Variants in CYFIP2 observed in about 807,000 individuals in gnomAD.
CYFIP2 encodes the protein cytoplasmic FMR1-interacting protein 2.
In CYFIP2, 29 loss-of-function variants were observed where a neutral mutation model predicts 158.7. That is an observed-to-expected ratio of 0.18 (90% CI 0.14 to 0.25). The LOEUF is 0.25. Ranked by LOEUF, CYFIP2 falls within the 10% of genes least tolerant of loss-of-function variation. The pLI is 1.00. For missense variants in CYFIP2, 852 were observed against 1,639.5 expected, an observed-to-expected ratio of 0.52 and a Z score of 8.29; for synonymous variants, 585 against 617.6, an observed-to-expected ratio of 0.95 and a Z score of 0.78.
Position 157,288,899 on chromosome 5 carries a change from A to G in CYFIP2, c.207+1791A>G, listed in dbSNP as rs1365919783. Among the ~76,000 whole-genome samples the G allele has an allele frequency of 3.9e-5, 6 of 152,342 alleles. No homozygotes were observed. In the East Asian group the frequency reaches 7.7e-4, roughly 20 times the overall value. ...TTTGAAGGAACCTTGAGAGAGTCAG[A>G]GAAAGCTTGATGTAGGAAGTGGCTT... is the stretch of plus-strand genomic sequence containing the variant. On this transcript the variant is annotated intron_variant, in intron 3 of 30. Coordinates refer to ENST00000620254, the MANE Select transcript of CYFIP2 (RefSeq NM_001037333.3).
chr5:157,363,273 G>T (rs1037888343), intron 26 of CYFIP2: 1 of 152,278 alleles, frequency 6.6e-6, no homozygotes, highest in Admixed American at 6.5e-5. Context: ...TCAGAACCTA[G>T]TGGGAATCTC....
In CYFIP2 at chr5:157,307,637, G is replaced by GTGTGTGTGTGTGTGTGTGTGTGTA; in HGVS notation, c.796-105_796-104insGTGTATGTGTGTGTGTGTGTGTGT. ...ATAATATAATGTGTGTCTCTACAGG[G>GTGTGTGTGTGTGTGTGTGTGTGTA]TGTGTGTGTGTGTGTGTGTATGTGT... is the stretch of plus-strand genomic sequence containing the variant. On this transcript the variant is annotated intron_variant, in intron 8 of 30. Coordinates refer to ENST00000620254, the MANE Select transcript of CYFIP2 (RefSeq NM_001037333.3). 3 of 349,538 alleles carry GTGTGTGTGTGTGTGTGTGTGTGTA rather than the reference G, an allele frequency of 8.6e-6. No homozygotes were observed. In the African/African-American group the frequency reaches 2.1e-4, roughly 25 times the overall value. The allele number at this position is 349,538 out of a possible 1,614,324, so 21.7% of individuals were successfully genotyped here. A position where few individuals can be genotyped will look rare whatever the true frequency, so the allele number is the denominator to read the frequency against.
intron 21 of CYFIP2, among the ~76,000 whole-genome samples, chr5:157,333,886 A>G (rs922569224): frequency 4.6e-5 from 7 of 152,232 alleles, no homozygotes; most frequent in Non-Finnish European, 5.9e-5. Flanking sequence ...CATTTTCATT[A>G]AACATTGCAC....
chr5:157,353,853 G>A (rs982495958), intron 23 of CYFIP2, among the ~76,000 whole-genome samples: 8 of 152,224 alleles, frequency 5.3e-5, no homozygotes, highest in Admixed American at 4.6e-4. Context: ...ATTCCAGAGA[G>A]CAGAGATGCA....
intron 26 of CYFIP2, among the ~76,000 whole-genome samples, chr5:157,368,204 C>T (rs1375342497): frequency 1.3e-5 from 2 of 152,160 alleles, no homozygotes; most frequent in East Asian, 3.8e-4. Flanking sequence ...GTGACAGGGG[C>T]ACGGGAGAAG....
At chr5:157,323,881 G>A in intron 15 of CYFIP2, 40 bp from the exon 16 acceptor site, 1 of 1,491,808 alleles carries the variant, frequency 6.7e-7, no homozygotes, top group Non-Finnish European at 9.0e-7. Context: ...CGGGGTAGAG[G>A]GCCAGCTTCT....
chr5:157,319,934 T>G lies in CYFIP2; in HGVS notation c.1523+6T>G, dbSNP rs778592456. ...AAGAAGAATGTCCTCATCAGGTGGGTTTTCAGATGCCTTCAGGAGCATATC... is the reference window on the plus strand; with the variant it reads ...AAGAAGAATGTCCTCATCAGGTGGGGTTTCAGATGCCTTCAGGAGCATATC... On this transcript the variant is annotated splice_donor_region_variant and intron_variant, in intron 14 of 30. Coordinates refer to ENST00000620254, the MANE Select transcript of CYFIP2 (RefSeq NM_001037333.3). 1.2e-6 allele frequency: 2 copies of G among 1,613,534 alleles called. No homozygotes were observed. The highest frequency in any genetic ancestry group is 2.2e-5 in the South Asian group (2 of 91,060).
chr5:157,314,496 A>T lies in CYFIP2; in HGVS notation c.1230+33A>T, dbSNP rs73304104. ...TCTCTGGGTAGAGGGCCTCACACTG[A>T]CCTCTCTTTCCTTGGAATCTGCCTC... On this transcript the variant is annotated intron_variant, in intron 12 of 30. Coordinates refer to ENST00000620254, the MANE Select transcript of CYFIP2 (RefSeq NM_001037333.3). 5,826 of 1,596,274 alleles carry T rather than the reference A, an allele frequency of 3.6e-3. 197 individuals carry two copies. The African/African-American group carries it at 0.071, about 19-fold the overall frequency.
At chr5:157,371,844 T>G (rs1370122251) in intron 26 of CYFIP2, among the ~76,000 whole-genome samples, 1 of 152,240 alleles carries the variant, frequency 6.6e-6, no homozygotes, top group African/African-American at 2.4e-5. Context: ...CCTTTTTTGC[T>G]TTTACTGTCA....
chr5:157,281,235 C>CG, intron 1 of CYFIP2, among the ~76,000 whole-genome samples: 1 of 152,080 alleles, frequency 6.6e-6, no homozygotes, highest in East Asian at 1.9e-4. Flanking sequence ...ATTCTTGGTG[C>CG]GTTTTTCCAT....
At chr5:157,321,337 C>G (rs1198978882) in intron 15 of CYFIP2, among the ~76,000 whole-genome samples, 1 of 152,204 alleles carries the variant, frequency 6.6e-6, no homozygotes, top group Non-Finnish European at 1.5e-5. Context: ...GTGTTACTAA[C>G]AAAATATTCC....
At chr5:157,378,458 A>C (rs1327307352) in intron 26 of CYFIP2, among the ~76,000 whole-genome samples, 1 of 152,180 alleles carries the variant, frequency 6.6e-6, no homozygotes, top group Admixed American at 6.5e-5. Flanking sequence ...TTAAGATTTT[A>C]AGTGATTTTC....
intron 23 of CYFIP2, among the ~76,000 whole-genome samples, chr5:157,355,475 G>A (rs776299742): frequency 6.6e-6 from 1 of 152,072 alleles, no homozygotes; most frequent in Non-Finnish European, 1.5e-5. Flanking sequence ...TATTGGATTT[G>A]GTATTATCAT....
At chr5:157,286,378 A>G (rs918406996) in intron 2 of CYFIP2, among the ~76,000 whole-genome samples, 5 of 149,862 alleles carry the variant, frequency 3.3e-5, no homozygotes, top group African/African-American at 1.2e-4. Flanking sequence ...ATATATATAC[A>G]TATATTTTTT....
At chr5:157,384,275 ACAAAAGG>A in intron 28 of CYFIP2, 2 of 456,804 alleles carry the variant, frequency 4.4e-6, no homozygotes, top group Non-Finnish European at 8.8e-6. Context: ...GAGCGGAGAA[ACAAAAGG>A]CATGTGCTAT....
At chr5:157,363,385 G>A in intron 26 of CYFIP2, 1 of 152,362 alleles carries the variant, frequency 6.6e-6, no homozygotes. Flanking sequence ...TCATGAATAA[G>A]AGACAGAGTT....
chr5:157,323,465 A>G (rs527673227), intron 15 of CYFIP2, among the ~76,000 whole-genome samples: 264 of 152,334 alleles, frequency 1.7e-3, no homozygotes, highest in African/African-American at 5.9e-3. Context: ...CTCATGTTAC[A>G]TGAGACAACT....
At chr5:157,306,492 C>G (rs1297955096) in intron 8 of CYFIP2, among the ~76,000 whole-genome samples, 6 of 152,216 alleles carry the variant, frequency 3.9e-5, no homozygotes, top group Non-Finnish European at 7.3e-5. Context: ...CTGGCCTTCA[C>G]ATGGTTTTGC....
At chr5:157,303,590 T>C (rs1758961994) in intron 7 of CYFIP2, among the ~76,000 whole-genome samples, 1 of 152,140 alleles carries the variant, frequency 6.6e-6, no homozygotes, top group African/African-American at 2.4e-5. Context: ...GGCCCTTGGG[T>C]TGACAGGGCC....
Sources: gnomAD v4.1 joint callset for allele counts (sites outside exome capture counted in the v4.1 genomes callset) on GRCh38, gnomAD v4.1.1 for gene constraint, MANE v1.5 for transcripts, NCBI Gene and HGNC (gene_info 2026-07-23, HGNC 2026-07-21) for gene names.